Variants in GPR137B observed in about 807,000 individuals in gnomAD.
The protein encoded by GPR137B is G protein-coupled receptor 137B.
GPR137B carries 42 observed loss-of-function variants against 42.5 expected under a neutral mutation model. The observed-to-expected ratio is 0.99, with a 90% CI of 0.77 to 1.28. GPR137B has a LOEUF of 1.28. Among genes scored for constraint, GPR137B ranks in the 50% most tolerant of loss-of-function variants. The pLI is 0.00. For synonymous variants in GPR137B, 218 were observed against 209.7 expected (o/e 1.04, Z -0.34); for missense variants, 487 against 493.9 (o/e 0.99, Z 0.13).
intron 4 of GPR137B, among the ~76,000 whole-genome samples, chr1:236,181,020 C>T (rs746882211): frequency 1.3e-5 from 2 of 152,074 alleles, no homozygotes; most frequent in Non-Finnish European, 2.9e-5. Flanking sequence ...TTAGAAAATA[C>T]ATAGGACTAT....
At chr1:236,207,391 G>A (rs562393736) in intron 6 of GPR137B, 140 of 413,732 alleles carry the variant, frequency 3.4e-4, no homozygotes, top group African/African-American at 2.9e-3. Flanking sequence ...TTCTTTTCCA[G>A]TTACCCCACT....
rs1389199807 is a variant in GPR137B at position 236,150,376 on chromosome 1, C to G, written c.414+7340C>G. On this transcript the variant is annotated intron_variant, in intron 1 of 6. Coordinates refer to ENST00000366592, the MANE Select transcript of GPR137B (RefSeq NM_003272.4). This position sits in a 1 kb window ranked among gnomAD's most constrained non-coding sequence, Gnocchi z 6.2. ...GGAAAGGTTTCCTTATTTTCTTGGTCTGCCGTTCACCCCCAGCACCTCCCG... is the reference window on the plus strand; with the variant it reads ...GGAAAGGTTTCCTTATTTTCTTGGTGTGCCGTTCACCCCCAGCACCTCCCG... Among the ~76,000 whole-genome samples, 5 of 152,014 alleles carry G rather than the reference C, an allele frequency of 3.3e-5. No homozygotes were observed. The highest frequency in any genetic ancestry group is 4.8e-5 in the African/African-American group (2 of 41,374).
chr1:236,163,211 C>A (rs946073573), intron 1 of GPR137B, among the ~76,000 whole-genome samples: 2 of 152,168 alleles, frequency 1.3e-5, no homozygotes, highest in African/African-American at 4.8e-5. Flanking sequence ...GCCCTGTAAC[C>A]ACTTTGTTTT....
At chr1:236,207,484 G>C (rs939201571) in intron 6 of GPR137B, among the ~76,000 whole-genome samples, 1 of 152,160 alleles carries the variant, frequency 6.6e-6, no homozygotes, top group African/African-American at 2.4e-5. Context: ...AAATGACTTA[G>C]AGCTGAGGGA....
chr1:236,207,960 C>G, intron 6 of GPR137B, 90 bp from the exon 7 acceptor site: 1 of 900,990 alleles, frequency 1.1e-6, no homozygotes, highest in Non-Finnish European at 1.7e-6. Context: ...ATAGTTTACA[C>G]AAAAATCTCA....
At chr1:236,143,090 G>A in intron 1 of GPR137B, 54 bp downstream of exon 1, 1 of 1,499,508 alleles carries the variant, frequency 6.7e-7, no homozygotes, top group Non-Finnish European at 9.0e-7. Flanking sequence ...GGTCCCCGCG[G>A]GGCGCCCGAG....
rs377672894 is a variant in GPR137B, at chr1:236,143,033, G to T, written c.411G>T (p.Thr137=). The change falls in exon 1 of 7, where the codon ACG becomes ACT. Residue 137 remains threonine, a synonymous_variant. Transcript: ENST00000366592. ...TCACGCTGATGAACTTGTACTTCACGCAGGTGAGTTTCAGAGAGGCTCCTG... is the reference window on the plus strand; with the variant it reads ...TCACGCTGATGAACTTGTACTTCACTCAGGTGAGTTTCAGAGAGGCTCCTG... ...FTLTLMNLYF[T]QVIFKAKSKY... is the part of the protein sequence containing the mutation. 2 of 1,608,578 alleles carry T rather than the reference G, an allele frequency of 1.2e-6. No homozygotes were observed. The highest frequency in any genetic ancestry group is 2.7e-5 in the African/African-American group (2 of 74,732).
chr1:236,179,962 C>T lies in GPR137B; in HGVS notation c.771C>T (p.Ile257=), dbSNP rs2102911486. Residue 257 remains isoleucine (I), a synonymous_variant, in exon 4 of 7, where the codon ATC becomes ATT. Transcript: ENST00000366592. ...CTCGGGCCTGCTACAACCTGTTCAT[C>T]CTGTCATTTTCTCAGAACAAGAGCG... ...YTSRACYNLF[I]LSFSQNKSVH... is the part of the protein sequence containing the mutation. 1.2e-6 allele frequency: 2 copies of T among 1,612,978 alleles called. No individual in the cohort carries two copies. The highest frequency in any genetic ancestry group is 1.1e-5 in the South Asian group (1 of 91,006).
chr1:236,175,498 A>G (rs866709729), intron 2 of GPR137B, among the ~76,000 whole-genome samples: 4 of 152,226 alleles, frequency 2.6e-5, no homozygotes, highest in Non-Finnish European at 4.4e-5. Flanking sequence ...GAGTGTGTGT[A>G]CACGCGGGTT....
intron 2 of GPR137B, among the ~76,000 whole-genome samples, chr1:236,170,514 C>T (rs757862090): frequency 7.2e-5 from 11 of 152,066 alleles, no homozygotes; most frequent in Non-Finnish European, 4.4e-5. Flanking sequence ...CTGCTTTGTA[C>T]GTGGCTCAGT....
chr1:236,152,268 C>A (rs978524680), intron 1 of GPR137B, among the ~76,000 whole-genome samples: 1 of 151,674 alleles, frequency 6.6e-6, no homozygotes, highest in African/African-American at 2.4e-5. Flanking sequence ...TCAAGACTAT[C>A]CTGGGCAATA....
chr1:236,160,233 C>G (rs1275379904), intron 1 of GPR137B, among the ~76,000 whole-genome samples: 1 of 152,178 alleles, frequency 6.6e-6, no homozygotes, highest in South Asian at 2.1e-4. Context: ...CTTCTTGCCA[C>G]AACGGGGGAA....
intron 5 of GPR137B, among the ~76,000 whole-genome samples, chr1:236,188,571 G>A (rs75844903): frequency 2.6e-5 from 4 of 152,148 alleles, no homozygotes; most frequent in Non-Finnish European, 5.9e-5. Context: ...CATCTATTGA[G>A]ATCATCATGT....
At position 236,179,403 on chromosome 1, in the gene GPR137B, A is replaced by T. The variant is rs370571496; in HGVS notation, c.688-476A>T. On this transcript the variant is annotated intron_variant, in intron 3 of 6. Transcript: ENST00000366592. ...CAGGTAATTCCGAGTCCAAAGTCAC[A>T]TTAGGGCTCCTGTATTCCCGGCCTC... 5.3e-3 allele frequency among the ~76,000 whole-genome samples: 802 copies of T among 152,236 alleles called. 4 individuals are homozygous for T. Among genetic ancestry groups the T allele is most frequent in the Middle Eastern group, 0.044 (13 of 294 alleles).
intron 1 of GPR137B, among the ~76,000 whole-genome samples, chr1:236,162,161 G>A (rs1662221936): frequency 6.6e-6 from 1 of 152,162 alleles, no homozygotes; most frequent in Admixed American, 6.5e-5. Flanking sequence ...TTTGGGAACT[G>A]GAGCAAAGGT....
At chr1:236,199,448 G>T (rs1388035954) in intron 5 of GPR137B, among the ~76,000 whole-genome samples, 3 of 152,046 alleles carry the variant, frequency 2.0e-5, no homozygotes, top group African/African-American at 4.8e-5. Context: ...CTTTTGGAAC[G>T]GTTTCAGAAT....
chr1:236,147,109 C>T (rs1241240495), intron 1 of GPR137B, among the ~76,000 whole-genome samples: 1 of 152,220 alleles, frequency 6.6e-6, no homozygotes, highest in African/African-American at 2.4e-5. Context: ...GTGCCTGGCC[C>T]ATACTCCTTT....
chr1:236,207,365 C>G, intron 6 of GPR137B: 1 of 653,652 alleles, frequency 1.5e-6, no homozygotes, highest in African/African-American at 2.0e-5. Context: ...TGAGCTCCAC[C>G]TCTTCCTTAA....
chr1:236,184,718 A>G (rs943638921), intron 5 of GPR137B, among the ~76,000 whole-genome samples: 1 of 152,032 alleles, frequency 6.6e-6, no homozygotes, highest in Non-Finnish European at 1.5e-5. Context: ...CTTCAAACCA[A>G]GCATTCTGGT....
Sources: allele counts gnomAD v4.1 joint callset (sites outside exome capture counted in the v4.1 genomes callset), GRCh38; gene constraint gnomAD v4.1.1; non-coding constraint Gnocchi (gnomAD v3.1); transcripts MANE v1.5; gene names NCBI Gene and HGNC (gene_info 2026-07-23, HGNC 2026-07-21).